The following IGFBP6 variants were observed in gnomAD, a reference collection of about 807,000 sequenced individuals.
The protein encoded by IGFBP6 is insulin like growth factor binding protein 6, also known as insulin-like growth factor-binding protein 6.
In IGFBP6, 24 loss-of-function variants were observed where a neutral mutation model predicts 24.5. The ratio of observed to expected loss-of-function variants is 0.98; its 90% confidence interval spans 0.71 to 1.38. IGFBP6 has a LOEUF of 1.38. Among genes scored for constraint, IGFBP6 ranks in the 40% most tolerant of loss-of-function variants. The pLI is 0.00. For missense variants in IGFBP6, 331 were observed against 324.8 expected, an observed-to-expected ratio of 1.02 and a Z score of -0.15; for synonymous variants, 147 against 137.4, an observed-to-expected ratio of 1.07 and a Z score of -0.49.
chr12:53,100,999 T>C (rs1397840366), intron 2 of IGFBP6, 42 bp from the exon 3 acceptor site: 1 of 1,607,590 alleles, frequency 6.2e-7, no homozygotes, highest in Non-Finnish European at 8.5e-7. Context: ...AATGGGGAGC[T>C]GGGCTGGAGC....
chr12:53,097,788 G>A lies in IGFBP6; in HGVS notation c.71G>A (p.Gly24Asp). 2 of 1,544,064 alleles carry A rather than the reference G, an allele frequency of 1.3e-6. No individual in the cohort carries two copies. The highest frequency in any genetic ancestry group is 1.2e-5 in the South Asian group (1 of 83,932). Residue 24 changes from glycine (G) to aspartate (D), a missense_variant, in exon 1 of 4, where the codon GGC becomes GAC. Coordinates refer to ENST00000301464, the MANE Select transcript of IGFBP6 (RefSeq NM_002178.3). ...CTGCTGCTCGCTGCCAGCCCAGGAG[G>A]CGCCTTGGCGCGGTGCCCAGGCTGC... is the stretch of plus-strand genomic sequence containing the variant. Reference protein sequence around the residue: ...LALLLAASPGGALARCPGCGQ... With the variant: ...LALLLAASPGDALARCPGCGQ...
intron 1 of IGFBP6, among the ~76,000 whole-genome samples, chr12:53,098,473 G>T (rs561848669): frequency 1.3e-5 from 2 of 152,274 alleles, no homozygotes; most frequent in East Asian, 3.9e-4. Context: ...AAAGGGGAGG[G>T]GAACCCCAGA....
intron 1 of IGFBP6, chr12:53,099,420 A>G: frequency 2.3e-6 from 1 of 430,130 alleles, no homozygotes. Flanking sequence ...ACTGGGGTTG[A>G]GCTGGCCTGG....
chr12:53,099,410 A>C, intron 1 of IGFBP6: 2 of 439,032 alleles, frequency 4.6e-6, no homozygotes, highest in Non-Finnish European at 9.3e-6. Context: ...TCCTGGGACC[A>C]CTGGGGTTGA....
In IGFBP6 at chr12:53,099,796, GTAAT is replaced by G. The variant is rs1210377765; in HGVS notation, c.335-906_335-903del. Among the ~76,000 whole-genome samples, 62 of 150,766 alleles carry G rather than the reference GTAAT, an allele frequency of 4.1e-4. 1 individual carries two copies. Among genetic ancestry groups the G allele is most frequent in the African/African-American group, 1.2e-3 (50 of 41,226 alleles). On this transcript the variant is annotated intron_variant, in intron 1 of 3. Coordinates refer to ENST00000301464, the MANE Select transcript of IGFBP6 (RefSeq NM_002178.3). ...TAATTAGTTAATTTTTTAAAATTAA[GTAAT>G]TAATTAATTTTTTAAAATTAAGTAG...
At chr12:53,098,885 G>C (rs1451784486) in intron 1 of IGFBP6, 1 of 153,166 alleles carries the variant, frequency 6.5e-6, no homozygotes, top group African/African-American at 2.4e-5. Context: ...CCACGGGAGG[G>C]GATGGAGAAT....
chr12:53,101,047 T>C lies in IGFBP6; in HGVS notation c.487T>C (p.Cys163Arg). ...AGVQDTEMGP[C>R]RRHLDSVLQQ... ...CCTACTCTCCCTTCCCCAGGGCCCA[T>C]GCCGTAGACATCTGGACTCAGTGCT... Residue 163 changes from cysteine (C) to arginine (R), a missense_variant, in exon 3 of 4, where the codon TGC (cysteine) becomes CGC (arginine). Coordinates refer to ENST00000301464, the MANE Select transcript of IGFBP6 (RefSeq NM_002178.3). 6.2e-7 allele frequency: 1 copy of C among 1,614,040 alleles called. No individual in the cohort carries two copies. The highest frequency in any genetic ancestry group is 1.7e-4 in the Middle Eastern group (1 of 6,058).
intron 1 of IGFBP6, among the ~76,000 whole-genome samples, chr12:53,098,701 C>T (rs1380741037): frequency 6.6e-6 from 1 of 152,096 alleles, no homozygotes; most frequent in Admixed American, 6.5e-5. Context: ...ATGATTTAAA[C>T]CTGCTCAGAA....
chr12:53,098,237 G>C (rs1347422749), intron 1 of IGFBP6, among the ~76,000 whole-genome samples, 186 bp downstream of exon 1: 1 of 152,266 alleles, frequency 6.6e-6, no homozygotes, highest in East Asian at 1.9e-4. Flanking sequence ...GCAGCCAGGG[G>C]ACCTGGTGAT....
chr12:53,099,844 GTAAT>G (rs971975874), intron 1 of IGFBP6, among the ~76,000 whole-genome samples: 12 of 149,828 alleles, frequency 8.0e-5, no homozygotes, highest in South Asian at 2.1e-4. Context: ...TTTTAATTAA[GTAAT>G]TAATTAATTT....
chr12:53,100,181 A>G (rs1042948306), intron 1 of IGFBP6, among the ~76,000 whole-genome samples: 4 of 152,106 alleles, frequency 2.6e-5, no homozygotes, highest in Admixed American at 2.6e-4. Flanking sequence ...TATTTTTGAG[A>G]CAGGGTCTCA....
chr12:53,098,525 C>T (rs962209552), intron 1 of IGFBP6, among the ~76,000 whole-genome samples: 1 of 152,144 alleles, frequency 6.6e-6, no homozygotes, highest in Non-Finnish European at 1.5e-5. Context: ...TCCTTTCCTC[C>T]TAATACCGGT....
In IGFBP6 at chr12:53,098,014, C is replaced by CGGCCGA; in HGVS notation, c.303_308dup (p.Gly102_Arg103dup). On this transcript the variant is annotated inframe_insertion, in exon 1 of 4. Coordinates refer to ENST00000301464, the MANE Select transcript of IGFBP6 (RefSeq NM_002178.3). ...AGGCGCCTTTGCGGGCGCTGCTGCTCGGCCGAGGCCGCTGCCTTCCGGCCC... is the reference window on the plus strand; with the variant it reads ...AGGCGCCTTTGCGGGCGCTGCTGCTCGGCCGAGGCCGAGGCCGCTGCCTTCCGGCCC... 1 of 1,501,904 alleles carries CGGCCGA rather than the reference C, an allele frequency of 6.7e-7. No homozygotes were observed. Among genetic ancestry groups the CGGCCGA allele is most frequent in the Admixed American group, 2.1e-5 (1 of 46,576 alleles). 93.0% of individuals were successfully genotyped at this position (1,501,904 alleles called of 1,614,324 possible).
Position 53,101,900 on chromosome 12 carries a change from A to AG in IGFBP6, c.601-145_601-144insG, listed in dbSNP as rs1937835377. 1.2e-5 allele frequency: 3 copies of AG among 250,174 alleles called. No homozygotes were observed. The Admixed American group carries it at 1.8e-4, about 15-fold the overall frequency. 15.5% of individuals were successfully genotyped at this position (250,174 alleles called of 1,614,324 possible). On this transcript the variant is annotated intron_variant, in intron 3 of 3. Coordinates refer to ENST00000301464, the MANE Select transcript of IGFBP6 (RefSeq NM_002178.3). ...GGCGACAGAGCGAGACTCCATCTCA[A>AG]AAAAAAAAAAAAAAAAAAAAAAAAG...
In IGFBP6 at chr12:53,097,792, C is replaced by A. The variant is rs1183078244; in HGVS notation, c.75C>A (p.Ala25=). ...ALLLAASPGG[A]LARCPGCGQG... ...TGCTCGCTGCCAGCCCAGGAGGCGC[C>A]TTGGCGCGGTGCCCAGGCTGCGGGC... Residue 25 remains alanine (A), a synonymous_variant, in exon 1 of 4, where the codon GCC becomes GCA. Coordinates refer to ENST00000301464, the MANE Select transcript of IGFBP6 (RefSeq NM_002178.3). 6.5e-7 allele frequency: 1 copy of A among 1,544,232 alleles called. No individual in the cohort carries two copies. The highest frequency in any genetic ancestry group is 2.5e-5 in the East Asian group (1 of 40,736).
At position 53,097,750 on chromosome 12, in the gene IGFBP6, G is replaced by T; in HGVS notation, c.33G>T (p.Leu11=). 6.5e-7 allele frequency: 1 copy of T among 1,545,518 alleles called. No individual in the cohort carries two copies. Residue 11 remains leucine (L), a synonymous_variant, in exon 1 of 4, where the codon CTG becomes CTT. Coordinates refer to ENST00000301464, the MANE Select transcript of IGFBP6 (RefSeq NM_002178.3). MTPHRLLPPL[L]LLLALLLAAS... is the part of the protein sequence containing the mutation. ...CCCACAGGCTGCTGCCACCGCTGCT[G>T]CTGCTGCTAGCTCTGCTGCTCGCTG...
At chr12:53,101,886 G>A (rs946725565) in intron 3 of IGFBP6, among the ~76,000 whole-genome samples, 159 bp from the exon 4 acceptor site, 2 of 120,518 alleles carry the variant, frequency 1.7e-5, no homozygotes, top group Non-Finnish European at 1.6e-5. Flanking sequence ...GCGACAGAGC[G>A]AGACTCCATC....
intron 2 of IGFBP6, 48 bp from the exon 3 acceptor site, chr12:53,100,993 G>A: frequency 3.7e-6 from 6 of 1,606,918 alleles, no homozygotes; most frequent in Non-Finnish European, 4.3e-6. Context: ...GGTTGGAATG[G>A]GGAGCTGGGC....
Position 53,100,835 on chromosome 12 carries a change from C to T in IGFBP6, c.458C>T (p.Ala153Val), listed in dbSNP as rs375017830. The change falls in exon 2 of 4, where the codon GCG becomes GTG. Residue 153 changes from alanine to valine, a missense_variant. By Grantham distance (64) the Ala-to-Val change is moderately conservative. Transcript: ENST00000301464. ...TSTTPSQPNS[A>V]GVQDTEMGPC... ...ACCACGCCCTCCCAGCCCAATTCTGCGGGTGTCCAAGACACTGAGATGGTG... is the reference window on the plus strand; with the variant it reads ...ACCACGCCCTCCCAGCCCAATTCTGTGGGTGTCCAAGACACTGAGATGGTG... 18 of 1,614,042 alleles carry T rather than the reference C, an allele frequency of 1.1e-5. No individual in the cohort carries two copies. Among genetic ancestry groups the T allele is most frequent in the Middle Eastern group, 1.6e-4 (1 of 6,080 alleles).
Sources: allele counts gnomAD v4.1 joint callset (sites outside exome capture counted in the v4.1 genomes callset), GRCh38; gene constraint gnomAD v4.1.1; transcripts MANE v1.5; gene names NCBI Gene and HGNC (gene_info 2026-07-23, HGNC 2026-07-21).